The following LRRC37A2 variants were observed in gnomAD, a reference collection of about 807,000 sequenced individuals.
LRRC37A2 encodes the protein leucine-rich repeat-containing protein 37A2.
Under a neutral mutation model 68.8 loss-of-function variants are expected in LRRC37A2, and 9 were observed. The ratio of observed to expected loss-of-function variants is 0.13; its 90% confidence interval spans 0.08 to 0.23. LRRC37A2 has a LOEUF of 0.23. Ranked by LOEUF, LRRC37A2 falls within the 10% of genes least tolerant of loss-of-function variation. The pLI is 1.00. For missense variants in LRRC37A2, 168 were observed against 950.4 expected (o/e 0.18, Z 10.82); for synonymous variants, 63 against 367.6 (o/e 0.17, Z 9.48).
At chr17:47,037,823 G>T in the LRRC37A2 span, among the ~76,000 whole-genome samples, 1 of 152,132 alleles carries the variant, frequency 6.6e-6, no homozygotes, top group Non-Finnish European at 1.5e-5. Context: ...TGTCTATTCA[G>T]ATTTTCTGTT....
the LRRC37A2 span, among the ~76,000 whole-genome samples, chr17:46,855,018 C>A: frequency 6.6e-6 from 1 of 152,144 alleles, no homozygotes; most frequent in South Asian, 2.1e-4. Context: ...TTCTCCAGAG[C>A]CATGTAGGAT....
chr17:46,966,541 G>A, the LRRC37A2 span: 1 of 694,080 alleles, frequency 1.4e-6, no homozygotes, highest in Non-Finnish European at 2.6e-6. Context: ...CAGAGACAAG[G>A]TCTCACCATG....
At chr17:46,605,707 C>A in the LRRC37A2 span, among the ~76,000 whole-genome samples, 1 of 68,754 alleles carries the variant, frequency 1.5e-5, no homozygotes, top group African/African-American at 6.8e-5. Context: ...GATCAATTTC[C>A]TGAAGGCTAA....
At chr17:47,005,549 G>C in the LRRC37A2 span, 3 of 152,114 alleles carry the variant, frequency 2.0e-5, no homozygotes, top group Non-Finnish European at 4.4e-5. Context: ...TCTCCTGATT[G>C]TTTCCCACCC....
chr17:46,989,504 G>T, the LRRC37A2 span, among the ~76,000 whole-genome samples: 1 of 152,222 alleles, frequency 6.6e-6, no homozygotes, highest in Non-Finnish European at 1.5e-5. Context: ...CATGATTGAG[G>T]CTGAGCCAAT....
chr17:46,965,104 G>T, the LRRC37A2 span: 2 of 152,178 alleles, frequency 1.3e-5, no homozygotes, highest in Non-Finnish European at 2.9e-5. Context: ...CACATTTTTA[G>T]AAGTGGAGTA....
the LRRC37A2 span, among the ~76,000 whole-genome samples, chr17:46,900,202 T>TACACATACATATATATATACACACACAC: frequency 1.1e-4 from 11 of 101,168 alleles, no homozygotes; most frequent in African/African-American, 4.1e-4. Flanking sequence ...TATATATATA[T>TACACATACATATATATATACACACACAC]ACACACACAC....
At chr17:46,494,109 T>G in the LRRC37A2 span, among the ~76,000 whole-genome samples, 1 of 150,712 alleles carries the variant, frequency 6.6e-6, no homozygotes, top group African/African-American at 2.5e-5. Flanking sequence ...CCTCCCAAAG[T>G]GCTGGGATTA....
At chr17:46,810,093 G>A in the LRRC37A2 span, among the ~76,000 whole-genome samples, 2 of 141,942 alleles carry the variant, frequency 1.4e-5, no homozygotes, top group South Asian at 2.3e-4. Context: ...TGCAACCTCC[G>A]CCTCCCAGGT....
At chr17:47,000,454 C>G in the LRRC37A2 span, among the ~76,000 whole-genome samples, 106,193 of 151,674 alleles carry the variant, frequency 0.7, 37,782 homozygotes, top group Middle Eastern at 0.78. Context: ...AGGCTGGTCT[C>G]GAACTCCTGA....
At chr17:46,766,963 T>C in the LRRC37A2 span, among the ~76,000 whole-genome samples, 2 of 152,204 alleles carry the variant, frequency 1.3e-5, no homozygotes, top group African/African-American at 4.8e-5. Flanking sequence ...ACCAGGTCTA[T>C]GAAGAATTTC....
the LRRC37A2 span, chr17:46,755,928 C>A: frequency 8.9e-7 from 1 of 1,117,834 alleles, no homozygotes; most frequent in Non-Finnish European, 1.3e-6. Context: ...GTGGAACGTT[C>A]TCTACCTTCA....
chr17:46,858,804 C>T, the LRRC37A2 span, among the ~76,000 whole-genome samples: 1 of 151,368 alleles, frequency 6.6e-6, no homozygotes, highest in African/African-American at 2.4e-5. Flanking sequence ...GTAGCTGGGG[C>T]CACAGGCATG....
At chr17:46,610,027 T>TTCTTTCTTTCTTTCTCTC in the LRRC37A2 span, among the ~76,000 whole-genome samples, 27 of 109,538 alleles carry the variant, frequency 2.5e-4, no homozygotes, top group African/African-American at 8.2e-4. Context: ...CTTTCTTTCT[T>TTCTTTCTTTCTTTCTCTC]TCTCTCTCTC....
At chr17:46,930,466 C>T in the LRRC37A2 span, 2 of 152,020 alleles carry the variant, frequency 1.3e-5, no homozygotes, top group East Asian at 1.9e-4. Context: ...GGAAAATGAC[C>T]GTATTTATCG....
At chr17:46,768,586 G>C in the LRRC37A2 span, 1 of 1,614,180 alleles carries the variant, frequency 6.2e-7, no homozygotes, top group Non-Finnish European at 8.5e-7. The surrounding 1 kb of genome is among the most constrained non-coding windows in gnomAD (Gnocchi z 5.0). Context: ...TCCGTGGGTG[G>C]CTTGAAGAGC....
chr17:46,732,411 C>CT, the LRRC37A2 span, among the ~76,000 whole-genome samples: 1 of 151,512 alleles, frequency 6.6e-6, no homozygotes, highest in Non-Finnish European at 1.5e-5. Flanking sequence ...CCAAGCCCTC[C>CT]TTTTTTCCCT....
chr17:46,390,370 C>T, the LRRC37A2 span, among the ~76,000 whole-genome samples: 1 of 105,710 alleles, frequency 9.5e-6, no homozygotes, highest in East Asian at 2.3e-4. Flanking sequence ...GGAGAAAGAC[C>T]AGAGTGGAAG....
chr17:46,525,712 A>T (rs1442792983), intron 6 of LRRC37A2, among the ~76,000 whole-genome samples: 1 of 114,460 alleles, frequency 8.7e-6, no homozygotes, highest in Non-Finnish European at 1.9e-5. Flanking sequence ...GTTGATAAAA[A>T]TTAATGAATT....
Sources: gnomAD v4.1 joint callset for allele counts (sites outside exome capture counted in the v4.1 genomes callset) on GRCh38, gnomAD v4.1.1 for gene constraint, Gnocchi (gnomAD v3.1) non-coding constraint, MANE v1.5 for transcripts, NCBI Gene and HGNC (gene_info 2026-07-23, HGNC 2026-07-21) for gene names.